Variants in VWA3B observed in about 807,000 individuals in gnomAD.
VWA3B encodes the protein von Willebrand factor A domain containing 3B, also known as von Willebrand factor A domain-containing protein 3B.
VWA3B carries 138 observed loss-of-function variants against 158.3 expected under a neutral mutation model. That is an observed-to-expected ratio of 0.87 (90% CI 0.76 to 1.00). The LOEUF is 1.00. Among genes scored for constraint, VWA3B ranks in the 50% least tolerant of loss-of-function variants. VWA3B has a pLI of 0.00. For missense variants in VWA3B, 1,555 were observed against 1,565.1 expected, an observed-to-expected ratio of 0.99 and a Z score of 0.11; for synonymous variants, 596 against 587.3, an observed-to-expected ratio of 1.01 and a Z score of -0.21.
chr2:98,296,534 C>A (rs1003338786), intron 23 of VWA3B, among the ~76,000 whole-genome samples: 2 of 152,164 alleles, frequency 1.3e-5, no homozygotes, highest in African/African-American at 4.8e-5. Context: ...ATTCCTTTGG[C>A]CATTTAAAAC....
At position 98,289,210 on chromosome 2, in the gene VWA3B, T is replaced by A. The variant is rs535133255; in HGVS notation, c.3046-1301T>A. ...ATTATTTTTGCATATGTTAGATATA[T>A]ATATGCATGCTTGTATATCTATATA... is the stretch of plus-strand genomic sequence containing the variant. On this transcript the variant is annotated intron_variant, in intron 22 of 27. Transcript: ENST00000477737. Among the ~76,000 whole-genome samples, 7 of 152,226 alleles carry A rather than the reference T, an allele frequency of 4.6e-5. No individual in the cohort carries two copies. In the South Asian group the frequency reaches 1.4e-3, roughly 31 times the overall value.
chr2:98,130,974 CTGT>C (rs1675824349), intron 6 of VWA3B, among the ~76,000 whole-genome samples: 2 of 152,200 alleles, frequency 1.3e-5, no homozygotes, highest in Non-Finnish European at 2.9e-5. Flanking sequence ...ATAAAATACA[CTGT>C]TGTTAACTAT....
intron 3 of VWA3B, 51 bp downstream of exon 3, chr2:98,115,797 A>C: frequency 6.8e-7 from 1 of 1,469,510 alleles, no homozygotes; most frequent in Non-Finnish European, 9.5e-7. Context: ...TGCTGACATC[A>C]CATCGGAGAG....
chr2:98,258,213 A>G (rs1558735280), intron 21 of VWA3B, among the ~76,000 whole-genome samples: 1 of 151,932 alleles, frequency 6.6e-6, no homozygotes, highest in Non-Finnish European at 1.5e-5. Context: ...CCACTGGTCT[A>G]TATATGACTA....
At chr2:98,285,402 A>T (rs1476950043) in intron 22 of VWA3B, among the ~76,000 whole-genome samples, 1 of 152,124 alleles carries the variant, frequency 6.6e-6, no homozygotes, top group Non-Finnish European at 1.5e-5. Context: ...GAATCCTCAT[A>T]TACAGGTCTT....
At chr2:98,101,096 A>ATCTCCTGGG (rs1683047310) in intron 2 of VWA3B, among the ~76,000 whole-genome samples, 2 of 152,166 alleles carry the variant, frequency 1.3e-5, no homozygotes, top group Admixed American at 1.3e-4. Flanking sequence ...TGGGATGTGC[A>ATCTCCTGGG]AGTCCTTTTT....
chr2:98,291,630 A>C (rs1439780859), intron 23 of VWA3B: 1 of 152,218 alleles, frequency 6.6e-6, no homozygotes, highest in Non-Finnish European at 1.5e-5. Context: ...GCTCTCTCCC[A>C]CTGCTGTGTG....
intron 15 of VWA3B, chr2:98,228,928 C>G (rs1029639458): frequency 2.0e-5 from 3 of 152,160 alleles, no homozygotes; most frequent in Admixed American, 2.0e-4. Flanking sequence ...GTATCACAGC[C>G]TACCCTGCCA....
In VWA3B at chr2:98,312,043, TG is replaced by T. The variant is rs550251243; in HGVS notation, c.3735+19del. On this transcript the variant is annotated intron_variant, in intron 27 of 27. Coordinates refer to ENST00000477737, the MANE Select transcript of VWA3B (RefSeq NM_144992.5). ...CACCCCGAGCCCAGGGTTTGGGTGA[TG>T]GGGGGGGAACACAACATCGCTTATC... 2.1e-4 allele frequency: 327 copies of T among 1,590,662 alleles called. No individual in the cohort carries two copies. The highest frequency in any genetic ancestry group is 5.0e-4 in the Middle Eastern group (3 of 6,052).
intron 6 of VWA3B, among the ~76,000 whole-genome samples, chr2:98,128,996 C>T (rs902200882): frequency 2.0e-5 from 3 of 152,240 alleles, no homozygotes; most frequent in Non-Finnish European, 2.9e-5. Context: ...CTCTCTCCTC[C>T]TGGGAACTGG....
chr2:98,181,582 G>A (rs180821398), intron 9 of VWA3B, among the ~76,000 whole-genome samples: 11 of 152,348 alleles, frequency 7.2e-5, no homozygotes, highest in Middle Eastern at 3.4e-3. Context: ...CGCAGCAGGC[G>A]TTTCTGTGGT....
In VWA3B at chr2:98,311,913, A is replaced by C. The variant is rs768294349; in HGVS notation, c.3616A>C (p.Arg1206=). Residue 1206 remains arginine, a synonymous_variant, in exon 27 of 28, where the codon AGG becomes CGG. Coordinates refer to ENST00000477737, the MANE Select transcript of VWA3B (RefSeq NM_144992.5). ...DSREPRREKP[R]RKKRPAKQPL... ...CAGAGAGCCAAGACGAGAGAAGCCC[A>C]GGAGGAAAAAGAGGCCCGCCAAGCA... 1 of 1,609,872 alleles carries C rather than the reference A, an allele frequency of 6.2e-7. No individual in the cohort carries two copies. The highest frequency in any genetic ancestry group is 1.1e-5 in the South Asian group (1 of 90,426).
At chr2:98,239,850 G>T (rs141085780) in intron 19 of VWA3B, among the ~76,000 whole-genome samples, 1 of 151,688 alleles carries the variant, frequency 6.6e-6, no homozygotes, top group African/African-American at 2.4e-5. Context: ...GGAGGCAGAG[G>T]TTGCAGTGAG....
chr2:98,311,809 C>CT lies in VWA3B; in HGVS notation c.3522-9dup, dbSNP rs776984824. The CT allele has an allele frequency of 3.0e-4, 480 of 1,587,296 alleles. No individual in the cohort carries two copies. The highest frequency in any genetic ancestry group is 3.9e-4 in the Non-Finnish European group (453 of 1,167,170). ...AAGGCAGGGTAACCCTGATCTCTCT[C>CT]TGTCTCTAGAGAGGATGTGGAGGCG... On this transcript the variant is annotated splice_polypyrimidine_tract_variant and intron_variant, in intron 26 of 27. Coordinates refer to ENST00000477737, the MANE Select transcript of VWA3B (RefSeq NM_144992.5).
At position 98,188,188 on chromosome 2, in the gene VWA3B, C is replaced by T. The variant is rs1238938311; in HGVS notation, c.1466+59C>T. 63 of 1,556,160 alleles carry T rather than the reference C, an allele frequency of 4.0e-5. No homozygotes were observed. The Admixed American group carries it at 1.1e-3, about 28-fold the overall frequency. On this transcript the variant is annotated intron_variant, in intron 10 of 27. Coordinates refer to ENST00000477737, the MANE Select transcript of VWA3B (RefSeq NM_144992.5). ...TCCTCGCTCTGGACATTCTCATCTGCTTGATCTTTTTTCCTCCCTTTTATT... is the reference window on the plus strand; with the variant it reads ...TCCTCGCTCTGGACATTCTCATCTGTTTGATCTTTTTTCCTCCCTTTTATT...
At chr2:98,122,447 T>C (rs919383100) in intron 5 of VWA3B, among the ~76,000 whole-genome samples, 3 of 152,166 alleles carry the variant, frequency 2.0e-5, no homozygotes, top group Non-Finnish European at 4.4e-5. Flanking sequence ...CTGAGGGCAA[T>C]GGTTTGTAAT....
chr2:98,215,674 C>A (rs917241846), intron 13 of VWA3B, among the ~76,000 whole-genome samples: 1 of 151,816 alleles, frequency 6.6e-6, no homozygotes, highest in African/African-American at 2.4e-5. Flanking sequence ...CACGCCGCCA[C>A]ACCCGGCTAA....
At chr2:98,281,908 C>T (rs1558758845) in intron 22 of VWA3B, among the ~76,000 whole-genome samples, 1 of 152,156 alleles carries the variant, frequency 6.6e-6, no homozygotes, top group Non-Finnish European at 1.5e-5. Flanking sequence ...CATATGTTGG[C>T]TTATTTGTTT....
At chr2:98,306,856 T>C (rs1352443635) in intron 26 of VWA3B, among the ~76,000 whole-genome samples, 1 of 152,186 alleles carries the variant, frequency 6.6e-6, no homozygotes, top group African/African-American at 2.4e-5. Flanking sequence ...CCCATTGTAA[T>C]TTCTACTCTT....
Sources: gnomAD v4.1 joint callset for allele counts (sites outside exome capture counted in the v4.1 genomes callset) on GRCh38, gnomAD v4.1.1 for gene constraint, MANE v1.5 for transcripts, NCBI Gene and HGNC (gene_info 2026-07-23, HGNC 2026-07-21) for gene names.